AUTS2: variants seen among roughly 807,000 people sequenced by gnomAD.
AUTS2 encodes the protein activator of transcription and developmental regulator AUTS2, also known as autism susceptibility gene 2 protein.
In AUTS2, 17 loss-of-function variants were observed where a neutral mutation model predicts 112.4. The observed-to-expected ratio is 0.15, with a 90% CI of 0.10 to 0.23. AUTS2 has a LOEUF of 0.23. AUTS2 is among the 10% of genes least tolerant of loss of function. The pLI, the probability that AUTS2 is intolerant of heterozygous loss-of-function variation, is 1.00. For missense variants in AUTS2, 1,510 were observed against 1,701.6 expected (o/e 0.89, Z 1.98); for synonymous variants, 751 against 702.7 (o/e 1.07, Z -1.09).
chr7:70,726,105 A>C (rs907219805), intron 6 of AUTS2, among the ~76,000 whole-genome samples: 5 of 151,864 alleles, frequency 3.3e-5, no homozygotes, highest in African/African-American at 1.2e-4. Flanking sequence ...AGGATTTACT[A>C]TGTTAAGTTT....
chr7:70,234,723 CT>C (rs1476604567), intron 4 of AUTS2, among the ~76,000 whole-genome samples: 1 of 152,158 alleles, frequency 6.6e-6, no homozygotes, highest in African/African-American at 2.4e-5. Flanking sequence ...GGTGGTGGTC[CT>C]TTGAATGTTG....
chr7:69,918,315 C>T (rs1206627106), intron 2 of AUTS2, among the ~76,000 whole-genome samples: 1 of 152,146 alleles, frequency 6.6e-6, no homozygotes. Flanking sequence ...ATGGTAGTTG[C>T]TGGACCCTTG....
intron 4 of AUTS2, among the ~76,000 whole-genome samples, chr7:70,388,246 TGTGGAGG>T (rs1207975867): frequency 6.6e-6 from 1 of 152,086 alleles, no homozygotes; most frequent in Non-Finnish European, 1.5e-5. Flanking sequence ...GTGGCGGGGG[TGTGGAGG>T]GTAGGAAAGG....
chr7:70,491,720 T>C (rs1043800670), intron 5 of AUTS2, among the ~76,000 whole-genome samples: 1 of 151,416 alleles, frequency 6.6e-6, no homozygotes, highest in Admixed American at 6.6e-5. Flanking sequence ...GTTCAAGCGA[T>C]TCTCCTGCCT....
chr7:70,491,093 GA>G (rs1798210575), intron 5 of AUTS2, among the ~76,000 whole-genome samples: 1 of 152,132 alleles, frequency 6.6e-6, no homozygotes, highest in Admixed American at 6.5e-5. Context: ...AAAGTGCAAA[GA>G]AAAAGCTGTC....
At chr7:69,924,359 C>T (rs1795924770) in intron 2 of AUTS2, among the ~76,000 whole-genome samples, 1 of 152,126 alleles carries the variant, frequency 6.6e-6, no homozygotes, top group East Asian at 1.9e-4. Flanking sequence ...AGAATTTTTA[C>T]ACCTGTGTTC....
chr7:70,339,037 TG>T (rs2129620356), intron 4 of AUTS2, among the ~76,000 whole-genome samples: 1 of 151,874 alleles, frequency 6.6e-6, no homozygotes, highest in East Asian at 1.9e-4. Flanking sequence ...TAATTTTTTT[TG>T]TATTTTTAGT....
chr7:69,701,164 GA>G (rs1268749464), intron 1 of AUTS2, among the ~76,000 whole-genome samples: 2 of 152,170 alleles, frequency 1.3e-5, no homozygotes, highest in Admixed American at 1.3e-4. Flanking sequence ...TAGTAGTTGT[GA>G]AGATTAAATG....
chr7:70,320,845 T>C (rs990140244), intron 4 of AUTS2, among the ~76,000 whole-genome samples: 1 of 152,024 alleles, frequency 6.6e-6, no homozygotes, highest in African/African-American at 2.4e-5. Flanking sequence ...ATGGTTCCAG[T>C]AGGATGGGGA....
At chr7:69,947,312 A>T (rs1051222098) in intron 2 of AUTS2, among the ~76,000 whole-genome samples, 1 of 152,212 alleles carries the variant, frequency 6.6e-6, no homozygotes, top group African/African-American at 2.4e-5. Context: ...CTGAGGGCTT[A>T]TGTGACAGAA....
At chr7:70,130,666 T>G (rs926151744) in intron 3 of AUTS2, among the ~76,000 whole-genome samples, 1 of 150,744 alleles carries the variant, frequency 6.6e-6, no homozygotes, top group Non-Finnish European at 1.5e-5. Context: ...CAGAGATTGC[T>G]GGAGCAGTGG....
intron 2 of AUTS2, among the ~76,000 whole-genome samples, chr7:70,002,998 AAAAT>A (rs1755226884): frequency 6.6e-6 from 1 of 151,266 alleles, no homozygotes; most frequent in African/African-American, 2.4e-5. Context: ...TTTTAAGAAA[AAAAT>A]AGGATATATG....
At chr7:70,101,937 T>G (rs150551543) in intron 2 of AUTS2, among the ~76,000 whole-genome samples, 1 of 152,156 alleles carries the variant, frequency 6.6e-6, no homozygotes, top group Non-Finnish European at 1.5e-5. Context: ...TGGACAGATA[T>G]CATAAGTAAA....
chr7:70,391,912 C>T (rs1793880025), intron 4 of AUTS2, among the ~76,000 whole-genome samples: 1 of 152,060 alleles, frequency 6.6e-6, no homozygotes, highest in Admixed American at 6.6e-5. Context: ...CCATTCAGAG[C>T]TTCCCTAGCC....
At chr7:70,578,752 TG>T (rs909082922) in intron 5 of AUTS2, among the ~76,000 whole-genome samples, 1 of 152,172 alleles carries the variant, frequency 6.6e-6, no homozygotes, top group Non-Finnish European at 1.5e-5. Flanking sequence ...TATCATGATT[TG>T]GTTTTTTTTA....
intron 6 of AUTS2, among the ~76,000 whole-genome samples, chr7:70,747,885 G>A (rs1238709583): frequency 1.3e-5 from 2 of 151,564 alleles, no homozygotes; most frequent in Admixed American, 6.6e-5. Flanking sequence ...GCAGTGGCGC[G>A]ATCTCGGCTC....
chr7:70,590,122 T>TTGTGTGTGTG (rs55775984), intron 5 of AUTS2, among the ~76,000 whole-genome samples: 23 of 143,496 alleles, frequency 1.6e-4, no homozygotes, highest in Admixed American at 4.9e-4. Context: ...GTTTTTGCAT[T>TTGTGTGTGTG]TGTGTGTGTG....
intron 4 of AUTS2, among the ~76,000 whole-genome samples, chr7:70,164,165 G>A (rs1419084970): frequency 1.3e-5 from 2 of 152,082 alleles, no homozygotes; most frequent in African/African-American, 2.4e-5. Flanking sequence ...AAGTTATGCA[G>A]GTAGAATTCT....
At chr7:70,555,146 A>G (rs1419994322) in intron 5 of AUTS2, among the ~76,000 whole-genome samples, 1 of 152,000 alleles carries the variant, frequency 6.6e-6, no homozygotes, top group Non-Finnish European at 1.5e-5. Context: ...CAGTGGAGAC[A>G]GAGAAGGGAT....
Sources: allele counts gnomAD v4.1 joint callset (sites outside exome capture counted in the v4.1 genomes callset), GRCh38; gene constraint gnomAD v4.1.1; transcripts MANE v1.5; gene names NCBI Gene and HGNC (gene_info 2026-07-23, HGNC 2026-07-21).